PRDM16: variants seen among roughly 807,000 people sequenced by gnomAD.
PRDM16 encodes PR/SET domain 16.
In PRDM16, 23 loss-of-function variants were observed where a neutral mutation model predicts 110.6. The ratio of observed to expected loss-of-function variants is 0.21; its 90% CI spans 0.15 to 0.29. The LOEUF (loss-of-function observed/expected upper bound fraction) is 0.29, where lower values mean the gene tolerates loss of function less well. PRDM16 is among the 10% of genes least tolerant of loss of function. The pLI is 1.00. For missense variants in PRDM16, 1,615 were observed against 1,794.3 expected (o/e 0.90, Z 1.81); for synonymous variants, 799 against 781.8 (o/e 1.02, Z -0.37).
chr1:3,227,646 G>A (rs889927708), intron 2 of PRDM16, among the ~76,000 whole-genome samples: 2 of 152,252 alleles, frequency 1.3e-5, no homozygotes, highest in Non-Finnish European at 2.9e-5. Flanking sequence ...TGTAGGGCCC[G>A]GCTCCGGGAC....
At chr1:3,154,709 A>G (rs553087856) in intron 1 of PRDM16, among the ~76,000 whole-genome samples, 10 of 152,264 alleles carry the variant, frequency 6.6e-5, no homozygotes, top group African/African-American at 2.4e-4. Flanking sequence ...GGAGGAAGGC[A>G]TGGAGCCCTG....
At chr1:3,110,415 A>T (rs56010213) in intron 1 of PRDM16, among the ~76,000 whole-genome samples, 1 of 109,926 alleles carries the variant, frequency 9.1e-6, no homozygotes. Context: ...ACAGTGTCTG[A>T]GGCTCCCCCA....
chr1:3,228,653 C>T (rs569364960), intron 2 of PRDM16, among the ~76,000 whole-genome samples: 8 of 152,194 alleles, frequency 5.3e-5, no homozygotes, highest in Non-Finnish European at 1.0e-4. Context: ...GGGCTTCGGC[C>T]TGTACATATC....
intron 14 of PRDM16, among the ~76,000 whole-genome samples, chr1:3,427,919 C>T (rs117958044): frequency 6.6e-6 from 1 of 152,324 alleles, no homozygotes; most frequent in East Asian, 1.9e-4. Context: ...CGCATGGGAG[C>T]TGTTCGTGTT....
chr1:3,299,360 T>C (rs1201325281), intron 3 of PRDM16, among the ~76,000 whole-genome samples: 22 of 85,538 alleles, frequency 2.6e-4, no homozygotes, highest in African/African-American at 4.6e-4. Flanking sequence ...ATGCTGTGGC[T>C]GTGATGTTTC....
rs1182753304 is a variant in PRDM16 at position 3,405,532 on chromosome 1, G to A, written c.1070G>A (p.Arg357His). The A allele has an allele frequency of 6.2e-6, 10 of 1,602,232 alleles. No individual in the cohort carries two copies. The highest frequency in any genetic ancestry group is 1.3e-5 in the African/African-American group (1 of 74,284). Residue 357 changes from arginine to histidine, a missense_variant, in exon 8 of 17, where the codon CGC becomes CAC. Coordinates refer to ENST00000270722, the MANE Select transcript of PRDM16 (RefSeq NM_022114.4). ...CCCAGCAACCTTCAGCGGCACATCC[G>A]CTCGCAGCACGTGGGCGCTCGGGCC... is the stretch of plus-strand genomic sequence containing the variant. ...TDPSNLQRHIRSQHVGARAHA... is the reference protein window; with the variant it reads ...TDPSNLQRHIHSQHVGARAHA...
chr1:3,385,185 G>A lies in PRDM16; in HGVS notation c.472G>A (p.Val158Met), dbSNP rs948941830. The change falls in exon 4 of 17, where the codon GTG becomes ATG. Residue 158 changes from valine (V) to methionine (M), a missense_variant. Transcript: ENST00000270722. ...SEDLGSEKFC[V>M]DANQAGAGSW... is the part of the protein sequence containing the mutation. The stretch of plus-strand genomic sequence containing the variant: ...AGACCTGGGCAGTGAGAAGTTCTGC[G>A]TGGATGCAAATCAGGCGGGGGCTGG... The A allele has an allele frequency of 1.1e-5, 18 of 1,613,604 alleles. No homozygotes were observed. Among genetic ancestry groups the A allele is most frequent in the Admixed American group, 6.7e-5 (4 of 60,016 alleles).
intron 3 of PRDM16, among the ~76,000 whole-genome samples, chr1:3,367,912 T>A (rs776423483): frequency 6.6e-6 from 1 of 152,184 alleles, no homozygotes; most frequent in Non-Finnish European, 1.5e-5. Context: ...CTTTAAAAAA[T>A]CATTTAAAAG....
At chr1:3,399,446 C>T (rs1370111495) in intron 5 of PRDM16, among the ~76,000 whole-genome samples, 1 of 152,156 alleles carries the variant, frequency 6.6e-6, no homozygotes, top group Admixed American at 6.5e-5. Flanking sequence ...TATTCAGGGC[C>T]AGCCTTACCT....
chr1:3,161,738 T>C (rs1643898708), intron 1 of PRDM16, among the ~76,000 whole-genome samples: 1 of 151,742 alleles, frequency 6.6e-6, no homozygotes, highest in South Asian at 2.1e-4. Flanking sequence ...ATACCAGAGG[T>C]TGGTGGAGGG....
chr1:3,106,684 GCACCTGGGC>G (rs1207145725), intron 1 of PRDM16, among the ~76,000 whole-genome samples: 5 of 152,170 alleles, frequency 3.3e-5, no homozygotes, highest in Non-Finnish European at 5.9e-5. Flanking sequence ...TCTGTCCCAA[GCACCTGGGC>G]CAGTGGAGGC....
chr1:3,421,622 C>T (rs1009747379), intron 12 of PRDM16, among the ~76,000 whole-genome samples: 1 of 152,246 alleles, frequency 6.6e-6, no homozygotes, highest in East Asian at 1.9e-4. Flanking sequence ...TCAGGGCTCT[C>T]TGCAACCAAA....
At chr1:3,204,949 C>T (rs530022431) in intron 2 of PRDM16, among the ~76,000 whole-genome samples, 106 of 152,288 alleles carry the variant, frequency 7.0e-4, no homozygotes, top group African/African-American at 2.5e-3. Flanking sequence ...TGGGAAGGCC[C>T]CGCGGGATTG....
rs1387642069 is a variant in PRDM16, at chr1:3,255,051, T to G, written c.438+10914T>G. Reference sequence around the variant, plus strand: ...TGACAAACCTGAGAAAAACAAGCAATGGGGAAAGGATTCCCTATTTAATAA... The same window carrying G: ...TGACAAACCTGAGAAAAACAAGCAAGGGGGAAAGGATTCCCTATTTAATAA... On this transcript the variant is annotated intron_variant, in intron 3 of 16. Coordinates refer to ENST00000270722, the MANE Select transcript of PRDM16 (RefSeq NM_022114.4). The surrounding 1 kb of genome is among the most constrained non-coding windows in gnomAD (Gnocchi z 4.7). Among the ~76,000 whole-genome samples the G allele has an allele frequency of 6.6e-6, 1 of 151,986 alleles. No individual in the cohort carries two copies. Among genetic ancestry groups the G allele is most frequent in the Non-Finnish European group, 1.5e-5 (1 of 67,974 alleles).
intron 2 of PRDM16, among the ~76,000 whole-genome samples, chr1:3,225,618 G>T (rs1342134913): frequency 6.6e-6 from 1 of 151,700 alleles, no homozygotes; most frequent in African/African-American, 2.4e-5. Flanking sequence ...TCAGTTAAGG[G>T]ATGAGGCTTT....
chr1:3,253,535 A>G (rs1277586227), intron 3 of PRDM16, among the ~76,000 whole-genome samples: 2 of 151,822 alleles, frequency 1.3e-5, no homozygotes, highest in African/African-American at 4.8e-5. Context: ...AAAGGACATG[A>G]ACTCATCATT....
Position 3,396,512 on chromosome 1 carries a change from G to T in PRDM16, c.595G>T (p.Asp199Tyr), listed in dbSNP as rs1471095321. 1 of 1,600,380 alleles carries T rather than the reference G, an allele frequency of 6.2e-7. No individual in the cohort carries two copies. The highest frequency in any genetic ancestry group is 1.3e-5 in the African/African-American group (1 of 74,820). ...CTAGATTTACTATAAAGTCATTAAG[G>T]ACATTGAGCCAGGTGAGGAGCTGCT... ...SEQIYYKVIK[D>Y]IEPGEELLVH... Residue 199 changes from aspartate to tyrosine, a missense_variant, in exon 5 of 17, where the codon GAC becomes TAC. Asp to Tyr is a radical substitution (Grantham distance 160, BLOSUM62 -3). Coordinates refer to ENST00000270722, the MANE Select transcript of PRDM16 (RefSeq NM_022114.4).
chr1:3,388,973 A>C (rs570658715), intron 4 of PRDM16, among the ~76,000 whole-genome samples: 2 of 152,284 alleles, frequency 1.3e-5, no homozygotes, highest in South Asian at 2.1e-4. Context: ...GCACCTGCTG[A>C]GCTGGGCAGT....
chr1:3,125,214 C>T lies in PRDM16; in HGVS notation c.37+55918C>T, dbSNP rs181389030. Among the ~76,000 whole-genome samples the T allele has an allele frequency of 1.9e-4, 29 of 152,392 alleles. No individual in the cohort carries two copies. In the East Asian group the frequency reaches 2.9e-3, roughly 15 times the overall value. On this transcript the variant is annotated intron_variant, in intron 1 of 16. Coordinates refer to ENST00000270722, the MANE Select transcript of PRDM16 (RefSeq NM_022114.4). Reference sequence around the variant, plus strand: ...GAATGCTGGGCTTCCTCAGCCAGCGCGCTTCCCGCATCCGTGAATCACTCC... The same window carrying T: ...GAATGCTGGGCTTCCTCAGCCAGCGTGCTTCCCGCATCCGTGAATCACTCC...
Sources: allele counts gnomAD v4.1 joint callset (sites outside exome capture counted in the v4.1 genomes callset), GRCh38; gene constraint gnomAD v4.1.1; non-coding constraint Gnocchi (gnomAD v3.1); transcripts MANE v1.5; gene names NCBI Gene and HGNC (gene_info 2026-07-23, HGNC 2026-07-21).